Variants in C2CD4A observed in about 807,000 individuals in gnomAD.
C2CD4A encodes the protein C2 calcium dependent domain containing 4A.
Under a neutral mutation model 0.4 loss-of-function variants are expected in C2CD4A, and 2 were observed. That is an observed-to-expected ratio of 4.45 (90% CI 1.82 to 13.99). The LOEUF is 13.99. Among genes scored for constraint, C2CD4A ranks in the 30% most tolerant of loss-of-function variants. C2CD4A has a pLI of 0.04. For synonymous variants in C2CD4A, 297 were observed against 280.8 expected (o/e 1.06, Z -0.58); for missense variants, 610 against 574.2 (o/e 1.06, Z -0.64).
At position 62,070,260 on chromosome 15, in the gene C2CD4A, C is replaced by T. The variant is rs918915324; in HGVS notation, c.*1537C>T. 4.8e-6 allele frequency: 2 copies of T among 412,922 alleles called. No homozygotes were observed. Among genetic ancestry groups the T allele is most frequent in the African/African-American group, 4.1e-5 (2 of 48,604 alleles). 25.6% of individuals were successfully genotyped at this position (412,922 alleles called of 1,614,324 possible). A position where few individuals can be genotyped will look rare whatever the true frequency, so the allele number is the denominator to read the frequency against. The stretch of plus-strand genomic sequence containing the variant: ...ATATACAGGATGGTGTTAAATATGA[C>T]TCCATTATCAATCTGGATTCAGAAA... On this transcript the variant is annotated 3_prime_UTR_variant, in exon 2 of 2. Transcript: ENST00000355522.
rs4775456 is a variant in C2CD4A, at chr15:62,069,996, G to A, written c.*1273G>A. 0.053 allele frequency: 12,073 copies of A among 227,030 alleles called. 659 individuals are homozygous for A. Among genetic ancestry groups the A allele is most frequent in the East Asian group, 0.21 (2,042 of 9,658 alleles). 14.1% of individuals were successfully genotyped at this position (227,030 alleles called of 1,614,324 possible). On this transcript the variant is annotated 3_prime_UTR_variant, in exon 2 of 2. Transcript: ENST00000355522. ...TAACCGGCCTCAGAATCATAGAAAT[G>A]GGTGCCAGCCTTGTTGTAACCAGGT...
Position 62,068,208 on chromosome 15 carries a change from C to G in C2CD4A, c.595C>G (p.Arg199Gly). The G allele has an allele frequency of 4.4e-6, 6 of 1,348,784 alleles. No individual in the cohort carries two copies. The highest frequency in any genetic ancestry group is 5.7e-6 in the Non-Finnish European group (6 of 1,048,790). 83.6% of individuals were successfully genotyped at this position (1,348,784 alleles called of 1,614,324 possible). A position where few individuals can be genotyped will look rare whatever the true frequency, so the allele number is the denominator to read the frequency against. ...TCGCGCGCTGCGGGCTGGGAGGAGTCGCCGCCTGACCCGCGTCCGCTCCGT... is the reference window on the plus strand; with the variant it reads ...TCGCGCGCTGCGGGCTGGGAGGAGTGGCCGCCTGACCCGCGTCCGCTCCGT... ...LSRALRAGRS[R>G]RLTRVRSVSS... The change falls in exon 2 of 2, where the codon CGC (arginine) becomes GGC (glycine). Residue 199 changes from arginine (R) to glycine (G), a missense_variant. Coordinates refer to ENST00000355522, the MANE Select transcript of C2CD4A (RefSeq NM_207322.3).
chr15:62,070,789 T>C lies in C2CD4A; in HGVS notation c.*2066T>C. On this transcript the variant is annotated 3_prime_UTR_variant, in exon 2 of 2. Coordinates refer to ENST00000355522, the MANE Select transcript of C2CD4A (RefSeq NM_207322.3). ...TCTATCTAATCAGTCAATATTTCCT[T>C]GGCCCTCAAGCCAACATTCATTTTT... is the stretch of plus-strand genomic sequence containing the variant. 3.0e-6 allele frequency: 1 copy of C among 331,740 alleles called. No homozygotes were observed. 20.5% of individuals were successfully genotyped at this position (331,740 alleles called of 1,614,324 possible).
At position 62,067,806 on chromosome 15, in the gene C2CD4A, C is replaced by T; in HGVS notation, c.193C>T (p.Arg65Trp). Residue 65 changes from arginine (R) to tryptophan (W), a missense_variant, in exon 2 of 2, where the codon CGG becomes TGG. Arg to Trp is a moderately radical substitution (Grantham distance 101). Coordinates refer to ENST00000355522, the MANE Select transcript of C2CD4A (RefSeq NM_207322.3). The part of the protein sequence containing the change: ...LMPRLALAAL[R>W]NSWVEEAGMD... The stretch of plus-strand genomic sequence containing the variant: ...GCCCCGCCTGGCCTTGGCTGCGCTC[C>T]GGAATTCTTGGGTCGAAGAAGCAGG... 6.2e-7 allele frequency: 1 copy of T among 1,612,164 alleles called. No homozygotes were observed.
In C2CD4A at chr15:62,069,318, C is replaced by T. The variant is rs1339187969; in HGVS notation, c.*595C>T. On this transcript the variant is annotated 3_prime_UTR_variant, in exon 2 of 2. Coordinates refer to ENST00000355522, the MANE Select transcript of C2CD4A (RefSeq NM_207322.3). ...TTATAATAGGCTAGGTGTGGCGGCT[C>T]ACGCCTGTAATCCTGGCACTTTGGG... 1 of 167,052 alleles carries T rather than the reference C, an allele frequency of 6.0e-6. No homozygotes were observed. Among genetic ancestry groups the T allele is most frequent in the African/African-American group, 2.4e-5 (1 of 41,472 alleles). The allele number at this position is 167,052 out of a possible 1,614,324, so 10.3% of individuals were successfully genotyped here. A position where few individuals can be genotyped will look rare whatever the true frequency, so the allele number is the denominator to read the frequency against.
At position 62,068,274 on chromosome 15, in the gene C2CD4A, C is replaced by G; in HGVS notation, c.661C>G (p.Gln221Glu). ...NEDKERRAGS[Q>E]SPARAPSTSP... ...GGACAAGGAGCGCCGCGCGGGCTCC[C>G]AGTCCCCGGCCCGGGCCCCCTCCAC... The change falls in exon 2 of 2, where the codon CAG becomes GAG. Residue 221 changes from glutamine (Q) to glutamate (E), a missense_variant. Coordinates refer to ENST00000355522, the MANE Select transcript of C2CD4A (RefSeq NM_207322.3). 4.3e-6 allele frequency: 6 copies of G among 1,384,092 alleles called. No homozygotes were observed. The highest frequency in any genetic ancestry group is 5.6e-6 in the Non-Finnish European group (6 of 1,070,354). 85.7% of individuals were successfully genotyped at this position (1,384,092 alleles called of 1,614,324 possible). A position where few individuals can be genotyped will look rare whatever the true frequency, so the allele number is the denominator to read the frequency against.
In C2CD4A at chr15:62,067,909, T is replaced by G; in HGVS notation, c.296T>G (p.Val99Gly). ...CTGTCACTGCCGCACCTGCCCCGTG[T>G]GCGCACCGCCTACGGCTTCTGCGCG... ...AALSLPHLPR[V>G]RTAYGFCALL... is the part of the protein sequence containing the mutation. The change falls in exon 2 of 2, where the codon GTG (valine) becomes GGG (glycine). Residue 99 changes from valine (V) to glycine (G), a missense_variant. By Grantham distance (109) the Val-to-Gly change is moderately radical (BLOSUM62 -3). Transcript: ENST00000355522. The G allele has an allele frequency of 1.3e-6, 2 of 1,595,322 alleles. No homozygotes were observed. Among genetic ancestry groups the G allele is most frequent in the Non-Finnish European group, 1.7e-6 (2 of 1,175,998 alleles).
Position 62,068,396 on chromosome 15 carries a change from C to T in C2CD4A, c.783C>T (p.Ala261=), listed in dbSNP as rs1361371119. 7.9e-6 allele frequency: 11 copies of T among 1,395,492 alleles called. No homozygotes were observed. Among genetic ancestry groups the T allele is most frequent in the Non-Finnish European group, 1.0e-5 (11 of 1,082,914 alleles). The allele number at this position is 1,395,492 out of a possible 1,614,324, so 86.4% of individuals were successfully genotyped here. ...CCGGCGACGCCCTGCGCCTGGCCGC[C>T]GAGTACTGTCCGGGAACCGGGCGGC... ...GRAGDALRLA[A]EYCPGTGRLR... is the part of the protein sequence containing the mutation. The change falls in exon 2 of 2, where the codon GCC becomes GCT. Residue 261 remains alanine, a synonymous_variant. Transcript: ENST00000355522.
At position 62,070,544 on chromosome 15, in the gene C2CD4A, GATAAA is replaced by G. The variant is rs1226165849; in HGVS notation, c.*1827_*1831del. The G allele has an allele frequency of 2.4e-6, 1 of 413,316 alleles. No homozygotes were observed. The highest frequency in any genetic ancestry group is 3.6e-5 in the East Asian group (1 of 28,084). 25.6% of individuals were successfully genotyped at this position (413,316 alleles called of 1,614,324 possible). On this transcript the variant is annotated 3_prime_UTR_variant, in exon 2 of 2. Transcript: ENST00000355522. ...AAAAATGCTATTTAGAAAAGAGTTT[GATAAA>G]ATAAATATTATACAAAATTCGAAGA...
At position 62,067,283 on chromosome 15, in the gene C2CD4A, G is replaced by C. The variant is rs545582805; in HGVS notation, c.-30+195G>C. Among the ~76,000 whole-genome samples the C allele has an allele frequency of 1.2e-4, 18 of 152,216 alleles. 1 individual carries two copies. Among genetic ancestry groups the C allele is most frequent in the Non-Finnish European group, 2.4e-4 (16 of 68,046 alleles). ...AAGGCAATCGTTGGCACAGAGAACAGAGCGACTGAAGTTACAATCCAGCAT... is the reference window on the plus strand; with the variant it reads ...AAGGCAATCGTTGGCACAGAGAACACAGCGACTGAAGTTACAATCCAGCAT... On this transcript the variant is annotated intron_variant, in intron 1 of 1. Coordinates refer to ENST00000355522, the MANE Select transcript of C2CD4A (RefSeq NM_207322.3).
In C2CD4A at chr15:62,069,081, A is replaced by C; in HGVS notation, c.*358A>C. On this transcript the variant is annotated 3_prime_UTR_variant, in exon 2 of 2. Coordinates refer to ENST00000355522, the MANE Select transcript of C2CD4A (RefSeq NM_207322.3). ...CATTTTAAAATTGGTGCTTTCCACA[A>C]CATGCATGGAGACCATCTTGGAGCA... The C allele has an allele frequency of 4.0e-6, 1 of 249,408 alleles. No individual in the cohort carries two copies. Among genetic ancestry groups the C allele is most frequent in the Non-Finnish European group, 8.2e-6 (1 of 122,132 alleles). The allele number at this position is 249,408 out of a possible 1,614,324, so 15.4% of individuals were successfully genotyped here.
Position 62,068,456 on chromosome 15 carries a change from C to A in C2CD4A, c.843C>A (p.Ala281=). 1.4e-6 allele frequency: 2 copies of A among 1,426,026 alleles called. No individual in the cohort carries two copies. The highest frequency in any genetic ancestry group is 1.8e-6 in the Non-Finnish European group (2 of 1,098,966). 88.3% of individuals were successfully genotyped at this position (1,426,026 alleles called of 1,614,324 possible). A position where few individuals can be genotyped will look rare whatever the true frequency, so the allele number is the denominator to read the frequency against. Residue 281 remains alanine, a synonymous_variant, in exon 2 of 2, where the codon GCC becomes GCA. Coordinates refer to ENST00000355522, the MANE Select transcript of C2CD4A (RefSeq NM_207322.3). ...RLRLLRAESP[A]GGAPGPRAVS... ...GGCTGCTCCGCGCCGAGAGCCCGGC[C>A]GGAGGCGCCCCCGGGCCCCGAGCCG...
intron 1 of C2CD4A, 61 bp from the exon 2 acceptor site, chr15:62,067,524 C>G: frequency 2.9e-6 from 4 of 1,365,626 alleles, no homozygotes; most frequent in Non-Finnish European, 3.9e-6. Flanking sequence ...AGAAAAGGAA[C>G]AGGATTTACT....
rs1456731029 is a variant in C2CD4A at position 62,068,876 on chromosome 15, TATG to T, written c.*156_*158del. 8 of 1,139,878 alleles carry T rather than the reference TATG, an allele frequency of 7.0e-6. No homozygotes were observed. In the South Asian group the frequency reaches 7.2e-5, roughly 10 times the overall value. 70.6% of individuals were successfully genotyped at this position (1,139,878 alleles called of 1,614,324 possible). ...CTAGATTAACTATCCCAGTAAAAGA[TATG>T]ATATTTTCCATAGATACCTCCAGAA... On this transcript the variant is annotated 3_prime_UTR_variant, in exon 2 of 2. Coordinates refer to ENST00000355522, the MANE Select transcript of C2CD4A (RefSeq NM_207322.3).
Position 62,067,834 on chromosome 15 carries a change from T to C in C2CD4A, c.221T>C (p.Met74Thr), listed in dbSNP as rs377636607. ...AATTCTTGGGTCGAAGAAGCAGGGA[T>C]GGACGAGGGCGCCGGCCGCACAGAC... Reference protein sequence around the residue: ...LRNSWVEEAGMDEGAGRTDWD... With the variant: ...LRNSWVEEAGTDEGAGRTDWD... Residue 74 changes from methionine to threonine, a missense_variant, in exon 2 of 2, where the codon ATG becomes ACG. Met to Thr is a moderately conservative substitution (Grantham distance 81). Coordinates refer to ENST00000355522, the MANE Select transcript of C2CD4A (RefSeq NM_207322.3). The C allele has an allele frequency of 8.7e-6, 14 of 1,610,680 alleles. No individual in the cohort carries two copies. In the African/African-American group the frequency reaches 1.7e-4, roughly 20 times the overall value.
At position 62,068,408 on chromosome 15, in the gene C2CD4A, G is replaced by A. The variant is rs1013722281; in HGVS notation, c.795G>A (p.Pro265=). ...DALRLAAEYC[P]GTGRLRLRLL... ...TGCGCCTGGCCGCCGAGTACTGTCC[G>A]GGAACCGGGCGGCTCCGCCTCCGGC... Residue 265 remains proline, a synonymous_variant, in exon 2 of 2, where the codon CCG becomes CCA. Coordinates refer to ENST00000355522, the MANE Select transcript of C2CD4A (RefSeq NM_207322.3). 1.8e-5 allele frequency: 25 copies of A among 1,400,524 alleles called. No individual in the cohort carries two copies. Among genetic ancestry groups the A allele is most frequent in the Non-Finnish European group, 2.3e-5 (25 of 1,086,734 alleles). The allele number at this position is 1,400,524 out of a possible 1,614,324, so 86.8% of individuals were successfully genotyped here. A position where few individuals can be genotyped will look rare whatever the true frequency, so the allele number is the denominator to read the frequency against.
chr15:62,068,792 A>G lies in C2CD4A; in HGVS notation c.*69A>G, dbSNP rs952646393. On this transcript the variant is annotated 3_prime_UTR_variant, in exon 2 of 2. Transcript: ENST00000355522. Reference sequence around the variant, plus strand: ...CACTGACAGCCGCGTGGTACAAAATAAACGTGTATTTGTTGTTCTTATCAG... The same window carrying G: ...CACTGACAGCCGCGTGGTACAAAATGAACGTGTATTTGTTGTTCTTATCAG... 7.0e-7 allele frequency: 1 copy of G among 1,420,672 alleles called. No homozygotes were observed. The highest frequency in any genetic ancestry group is 1.5e-5 in the African/African-American group (1 of 67,426). The allele number at this position is 1,420,672 out of a possible 1,614,324, so 88.0% of individuals were successfully genotyped here.
Position 62,068,346 on chromosome 15 carries a change from G to A in C2CD4A, c.733G>A (p.Glu245Lys), listed in dbSNP as rs1277645940. 18 of 1,408,732 alleles carry A rather than the reference G, an allele frequency of 1.3e-5. No homozygotes were observed. Among genetic ancestry groups the A allele is most frequent in the Non-Finnish European group, 1.5e-5 (16 of 1,082,132 alleles). The allele number at this position is 1,408,732 out of a possible 1,614,324, so 87.3% of individuals were successfully genotyped here. Residue 245 changes from glutamate (E) to lysine (K), a missense_variant, in exon 2 of 2, where the codon GAG becomes AAG. Coordinates refer to ENST00000355522, the MANE Select transcript of C2CD4A (RefSeq NM_207322.3). Reference protein sequence around the residue: ...RVPFPERLEAEGTVALGRAGD... With the variant: ...RVPFPERLEAKGTVALGRAGD... ...CCCGTTTCCCGAGCGCCTGGAGGCC[G>A]AGGGCACCGTGGCTCTGGGCCGCGC...
chr15:62,067,692 C>A lies in C2CD4A; in HGVS notation c.79C>A (p.Arg27Ser). 1 of 1,608,528 alleles carries A rather than the reference C, an allele frequency of 6.2e-7. No individual in the cohort carries two copies. Among genetic ancestry groups the A allele is most frequent in the Non-Finnish European group, 8.5e-7 (1 of 1,179,868 alleles). Residue 27 changes from arginine to serine, a missense_variant, in exon 2 of 2, where the codon CGC (arginine) becomes AGC (serine). Physicochemically the swap from Arg to Ser is moderately radical, Grantham distance 110 (BLOSUM62 -1). Transcript: ENST00000355522. ...SGDWLLPGRA[R>S]GAKSRTTAAC... The stretch of plus-strand genomic sequence containing the variant: ...AGACTGGCTTCTCCCGGGTCGGGCC[C>A]GCGGAGCCAAGTCTCGCACCACCGC...
Sources: gnomAD v4.1 joint callset for allele counts (sites outside exome capture counted in the v4.1 genomes callset) on GRCh38, gnomAD v4.1.1 for gene constraint, MANE v1.5 for transcripts, NCBI Gene and HGNC (gene_info 2026-07-23, HGNC 2026-07-21) for gene names.